The following SLIT3 variants were observed in gnomAD, a reference collection of about 807,000 sequenced individuals.
The protein encoded by SLIT3 is slit homolog 3 protein.
SLIT3 carries 68 observed loss-of-function variants against 184.0 expected under a neutral mutation model. The observed-to-expected ratio is 0.37, with a 90% CI of 0.30 to 0.45. The LOEUF is 0.45. Ranked by LOEUF, SLIT3 falls within the 20% of genes least tolerant of loss-of-function variation. The probability of loss-of-function intolerance (pLI) is 1.00; values close to 1 mark genes in which losing one functional copy is unlikely to be tolerated. For synonymous variants in SLIT3, 831 were observed against 828.6 expected, an observed-to-expected ratio of 1.00 and a Z score of -0.05; for missense variants, 1,707 against 2,026.0, an observed-to-expected ratio of 0.84 and a Z score of 3.02.
At chr5:168,921,765 T>C (rs1183316575) in intron 4 of SLIT3, among the ~76,000 whole-genome samples, 1 of 152,204 alleles carries the variant, frequency 6.6e-6, no homozygotes, top group East Asian at 1.9e-4. Context: ...ATTATCATAA[T>C]GATGGAATGA....
rs76456759 is a variant in SLIT3, at chr5:169,095,536, C to T, written c.413+97943G>A. Among the ~76,000 whole-genome samples the T allele has an allele frequency of 2.6e-3, 388 of 150,806 alleles. 3 individuals carry two copies. The highest frequency in any genetic ancestry group is 8.7e-3 in the African/African-American group (354 of 40,720). On this transcript the variant is annotated intron_variant, in intron 4 of 35. Coordinates refer to ENST00000519560, the MANE Select transcript of SLIT3 (RefSeq NM_003062.4). ...CTCCCCTGACTCAGGCAGGCCAGAC[C>T]GAGGCTGGGGCTCTGTCCAGCTTTT...
chr5:169,211,045 C>T (rs547018288), intron 3 of SLIT3, among the ~76,000 whole-genome samples: 5 of 152,178 alleles, frequency 3.3e-5, no homozygotes, highest in East Asian at 1.9e-4. Context: ...AAAAAATATG[C>T]CTTTGATAGC....
chr5:169,104,963 A>G (rs765115348), intron 4 of SLIT3, among the ~76,000 whole-genome samples: 8 of 152,196 alleles, frequency 5.3e-5, no homozygotes, highest in African/African-American at 7.2e-5. Context: ...CATGTCAAGA[A>G]AAGAATTAGT....
At position 169,184,229 on chromosome 5, in the gene SLIT3, T is replaced by G. The variant is rs564147310; in HGVS notation, c.413+9250A>C. On this transcript the variant is annotated intron_variant, in intron 4 of 35. Transcript: ENST00000519560. ...GTTCAAAATACTGAACCATGAAAGC[T>G]TCATAAATTTATGATTGTTATCCCT... is the stretch of plus-strand genomic sequence containing the variant. Among the ~76,000 whole-genome samples the G allele has an allele frequency of 8.1e-4, 123 of 152,360 alleles. 2 individuals carry two copies. In the South Asian group the frequency reaches 8.9e-3, roughly 11 times the overall value.
chr5:168,710,854 C>A, intron 25 of SLIT3, 41 bp downstream of exon 25: 1 of 1,453,956 alleles, frequency 6.9e-7, no homozygotes, highest in South Asian at 1.4e-5. Context: ...ACAGCAGACC[C>A]CAAGAGGGGC....
intron 4 of SLIT3, among the ~76,000 whole-genome samples, chr5:168,979,124 G>T (rs965247872): frequency 6.6e-6 from 1 of 152,196 alleles, no homozygotes; most frequent in Non-Finnish European, 1.5e-5. Context: ...GCTCATCCTG[G>T]GAAAACTGGA....
chr5:169,192,414 A>G (rs1463818576), intron 4 of SLIT3, among the ~76,000 whole-genome samples: 1 of 137,240 alleles, frequency 7.3e-6, no homozygotes, highest in Non-Finnish European at 1.6e-5. Context: ...AAATTTATGT[A>G]TATAGTCTCT....
chr5:169,099,751 GT>G (rs1008455461), intron 4 of SLIT3, among the ~76,000 whole-genome samples: 1 of 152,092 alleles, frequency 6.6e-6, no homozygotes, highest in African/African-American at 2.4e-5. Context: ...TGGCGAGGTG[GT>G]CAGGTAAGGG....
intron 35 of SLIT3, 143 bp from the exon 36 acceptor site, chr5:168,666,832 TCCATCCACCCATCTATTTTACAAAC>T (rs1171109554): frequency 7.5e-7 from 1 of 1,326,190 alleles, no homozygotes; most frequent in Admixed American, 2.0e-5. Flanking sequence ...TACCCTCCCC[TCCATCCACCCATCTATTTTACAAAC>T]AGGTGCCTTT....
intron 4 of SLIT3, among the ~76,000 whole-genome samples, chr5:168,991,135 G>T (rs2113386068): frequency 6.6e-6 from 1 of 152,330 alleles, no homozygotes; most frequent in South Asian, 2.1e-4. Context: ...TTCCCATCAA[G>T]AATATCTAAC....
chr5:169,069,592 A>C (rs148670617), intron 4 of SLIT3, among the ~76,000 whole-genome samples: 1 of 152,274 alleles, frequency 6.6e-6, no homozygotes, highest in East Asian at 1.9e-4. Flanking sequence ...AGCACTGGAC[A>C]CTTAGCACAC....
chr5:169,054,274 T>C (rs1183349352), intron 4 of SLIT3, among the ~76,000 whole-genome samples: 1 of 145,866 alleles, frequency 6.9e-6, no homozygotes, highest in Non-Finnish European at 1.5e-5. Context: ...ATTGGGATGA[T>C]GCGGCCACAA....
At chr5:168,881,733 T>A (rs1006490722) in intron 5 of SLIT3, among the ~76,000 whole-genome samples, 1 of 152,248 alleles carries the variant, frequency 6.6e-6, no homozygotes, top group Admixed American at 6.5e-5. Context: ...CAGTTCAGGA[T>A]GAGAGATCTC....
At chr5:168,787,871 A>G (rs536072460) in intron 11 of SLIT3, among the ~76,000 whole-genome samples, 1 of 152,090 alleles carries the variant, frequency 6.6e-6, no homozygotes, top group African/African-American at 2.4e-5. Context: ...TTCAACTGTA[A>G]GCTCTGTCAG....
intron 4 of SLIT3, among the ~76,000 whole-genome samples, chr5:169,002,459 G>C (rs1186516943): frequency 6.6e-6 from 1 of 151,128 alleles, no homozygotes; most frequent in Non-Finnish European, 1.5e-5. Context: ...AAGAGTTTCA[G>C]AACTAGGAAA....
chr5:168,787,059 C>A (rs1030421465), intron 11 of SLIT3, among the ~76,000 whole-genome samples: 3 of 152,186 alleles, frequency 2.0e-5, no homozygotes, highest in Non-Finnish European at 4.4e-5. Flanking sequence ...ACCAAACCCC[C>A]CTTTTCCAGA....
rs1761310182 is a variant in SLIT3 at position 168,673,327 on chromosome 5, C to T, written c.3691G>A (p.Glu1231Lys). 8 of 1,614,160 alleles carry T rather than the reference C, an allele frequency of 5.0e-6. No homozygotes were observed. Among genetic ancestry groups the T allele is most frequent in the Non-Finnish European group, 6.8e-6 (8 of 1,180,014 alleles). ...TGAAACTGCCCATCATTCACTGTCT[C>T]CACACTGGCCAGTAGAGAAGGGGAG... The part of the protein sequence containing the change: ...SSPPTTVYSV[E>K]TVNDGQFHSV... The change falls in exon 33 of 36, where the codon GAG (glutamate) becomes AAG (lysine). Residue 1231 changes from glutamate to lysine, a missense_variant. Coordinates refer to ENST00000519560, the MANE Select transcript of SLIT3 (RefSeq NM_003062.4).
chr5:168,702,457 T>C (rs1483329642), intron 26 of SLIT3, among the ~76,000 whole-genome samples: 2 of 152,136 alleles, frequency 1.3e-5, no homozygotes, highest in African/African-American at 4.8e-5. Context: ...GCAGGACCAC[T>C]TGGCTAGCCC....
intron 6 of SLIT3, among the ~76,000 whole-genome samples, chr5:168,837,588 G>A (rs1758095181): frequency 1.3e-5 from 2 of 152,118 alleles, no homozygotes; most frequent in South Asian, 4.1e-4. Flanking sequence ...GCCATAACAG[G>A]GACTCTAGAG....
Sources: allele counts gnomAD v4.1 joint callset (sites outside exome capture counted in the v4.1 genomes callset), GRCh38; gene constraint gnomAD v4.1.1; transcripts MANE v1.5; gene names NCBI Gene and HGNC (gene_info 2026-07-23, HGNC 2026-07-21).